AFAP1: variants seen among roughly 807,000 people sequenced by gnomAD.
AFAP1 encodes actin filament associated protein 1.
AFAP1 carries 75 observed loss-of-function variants against 93.9 expected under a neutral mutation model. That is an observed-to-expected ratio of 0.80 (90% CI 0.66 to 0.97). The LOEUF is 0.97. AFAP1 is among the 50% of genes least tolerant of loss of function. AFAP1 has a pLI of 0.00. For synonymous variants in AFAP1, 517 were observed against 430.7 expected (o/e 1.20, Z -2.48); for missense variants, 1,201 against 1,050.8 (o/e 1.14, Z -1.98).
chr4:7,922,080 G>A (rs895752535), intron 1 of AFAP1, among the ~76,000 whole-genome samples: 3 of 152,120 alleles, frequency 2.0e-5, no homozygotes, highest in South Asian at 2.1e-4. Context: ...CCAAGATCAC[G>A]CCAGCCTGGC....
chr4:7,789,411 A>T (rs1205166340), intron 11 of AFAP1, among the ~76,000 whole-genome samples: 1 of 141,668 alleles, frequency 7.1e-6, no homozygotes, highest in African/African-American at 2.6e-5. Context: ...CCGGCTTTCC[A>T]TCCTCTTCAT....
intron 4 of AFAP1, 126 bp downstream of exon 4, chr4:7,855,340 C>T: frequency 2.8e-6 from 2 of 711,444 alleles, no homozygotes; most frequent in Non-Finnish European, 2.3e-6. Flanking sequence ...TCTTTGGGTT[C>T]AAAAAGTACT....
intron 1 of AFAP1, among the ~76,000 whole-genome samples, chr4:7,886,371 T>C (rs998916285): frequency 6.6e-6 from 1 of 152,238 alleles, no homozygotes; most frequent in African/African-American, 2.4e-5. Context: ...AATCTATTTA[T>C]AGCTCTCCAG....
intron 11 of AFAP1, among the ~76,000 whole-genome samples, chr4:7,791,928 G>C (rs1335002143): frequency 6.6e-6 from 1 of 151,848 alleles, no homozygotes; most frequent in Non-Finnish European, 1.5e-5. Flanking sequence ...TGTAAACCCA[G>C]TTAATGTCCA....
At chr4:7,938,733 G>C (rs997606009) in intron 1 of AFAP1, among the ~76,000 whole-genome samples, 1 of 151,672 alleles carries the variant, frequency 6.6e-6, no homozygotes, top group African/African-American at 2.4e-5. Context: ...TGGCTTTCCA[G>C]ATTTTTTTTT....
intron 3 of AFAP1, among the ~76,000 whole-genome samples, chr4:7,860,938 G>C (rs763346889): frequency 6.6e-6 from 1 of 152,104 alleles, no homozygotes; most frequent in Non-Finnish European, 1.5e-5. Flanking sequence ...CGCTCGCCTC[G>C]CCTCGTGGCT....
intron 6 of AFAP1, among the ~76,000 whole-genome samples, chr4:7,819,466 T>C (rs1048856149): frequency 6.6e-6 from 1 of 151,908 alleles, no homozygotes; most frequent in Non-Finnish European, 1.5e-5. Context: ...ACAATAAGGG[T>C]CACCAAAAGA....
chr4:7,772,072 A>T (rs1176631877), intron 16 of AFAP1: 1 of 152,178 alleles, frequency 6.6e-6, no homozygotes, highest in African/African-American at 2.4e-5. Context: ...AGGGGTTTGG[A>T]AAGAAGGACC....
chr4:7,765,937 C>T (rs947587936), intron 17 of AFAP1, among the ~76,000 whole-genome samples: 2 of 152,214 alleles, frequency 1.3e-5, no homozygotes, highest in African/African-American at 4.8e-5. Context: ...TTCTCTGCGC[C>T]CGCCCAGTGA....
At chr4:7,898,726 G>A (rs796718739) in intron 1 of AFAP1, among the ~76,000 whole-genome samples, 60 of 149,752 alleles carry the variant, frequency 4.0e-4, no homozygotes, top group African/African-American at 1.4e-3. Flanking sequence ...ACTTAAGGAC[G>A]CTCTCAACTA....
chr4:7,758,922 AAC>A lies in AFAP1; in HGVS notation c.*4841_*4842del, dbSNP rs1713383677. ...ACTTTATGAATTAAATACATTGAGA[AAC>A]AGTGAAAATATATTTACAGTCATTT... On this transcript the variant is annotated 3_prime_UTR_variant, in exon 18 of 18. Coordinates refer to ENST00000420658, the MANE Select transcript of AFAP1 (RefSeq NM_001134647.2). 6.6e-6 allele frequency: 1 copy of A among 152,272 alleles called. No homozygotes were observed. The highest frequency in any genetic ancestry group is 1.5e-5 in the Non-Finnish European group (1 of 68,040). 9.4% of individuals were successfully genotyped at this position (152,272 alleles called of 1,614,324 possible). A position where few individuals can be genotyped will look rare whatever the true frequency, so the allele number is the denominator to read the frequency against.
intron 13 of AFAP1, among the ~76,000 whole-genome samples, chr4:7,780,872 T>C (rs1467722649): frequency 1.3e-5 from 2 of 152,072 alleles, no homozygotes; most frequent in African/African-American, 2.4e-5. Flanking sequence ...GTTTAAAAAG[T>C]CCTTATTATC....
At chr4:7,904,908 T>G in intron 1 of AFAP1, among the ~76,000 whole-genome samples, 1 of 152,206 alleles carries the variant, frequency 6.6e-6, no homozygotes, top group South Asian at 2.1e-4. Context: ...GGGGTTTTGC[T>G]ATGTTGCCCA....
chr4:7,843,451 T>C, intron 4 of AFAP1, 101 bp from the exon 5 acceptor site: 1 of 1,109,880 alleles, frequency 9.0e-7, no homozygotes, highest in South Asian at 1.7e-5. Context: ...ACCAAGTAAC[T>C]GAATGAGAAA....
At position 7,858,317 on chromosome 4, in the gene AFAP1, C is replaced by T. The variant is rs76486058; in HGVS notation, c.226-2743G>A. Among the ~76,000 whole-genome samples, 886 of 152,304 alleles carry T rather than the reference C, an allele frequency of 5.8e-3. 7 individuals carry two copies. Among genetic ancestry groups the T allele is most frequent in the African/African-American group, 0.019 (778 of 41,562 alleles). ...CTGCTTGACTTTTCTGCATAGTTGT[C>T]ATTTTAAAAATCATTTTAAAAAATA... On this transcript the variant is annotated intron_variant, in intron 3 of 17. Transcript: ENST00000420658.
At chr4:7,878,188 A>G (rs1018419266) in intron 1 of AFAP1, among the ~76,000 whole-genome samples, 14 of 152,192 alleles carry the variant, frequency 9.2e-5, no homozygotes, top group African/African-American at 3.4e-4. Flanking sequence ...AGATTTTCCT[A>G]TAAATAAAGG....
intron 1 of AFAP1, among the ~76,000 whole-genome samples, chr4:7,890,618 GACAA>G (rs1046965309): frequency 3.9e-5 from 6 of 152,066 alleles, no homozygotes; most frequent in African/African-American, 1.4e-4. Context: ...AACACATGAA[GACAA>G]ACAACCTAAT....
intron 11 of AFAP1, among the ~76,000 whole-genome samples, chr4:7,790,141 A>G (rs912906635): frequency 3.3e-5 from 5 of 152,178 alleles, no homozygotes; most frequent in African/African-American, 9.7e-5. Flanking sequence ...CAAAACATTT[A>G]ATCTTAGAAT....
At chr4:7,846,539 C>T (rs1713722400) in intron 4 of AFAP1, among the ~76,000 whole-genome samples, 1 of 152,180 alleles carries the variant, frequency 6.6e-6, no homozygotes, top group East Asian at 1.9e-4. Context: ...GCCCTCAGGG[C>T]TCGGCCCACT....
Sources: gnomAD v4.1 joint callset for allele counts (sites outside exome capture counted in the v4.1 genomes callset) on GRCh38, gnomAD v4.1.1 for gene constraint, MANE v1.5 for transcripts, NCBI Gene and HGNC (gene_info 2026-07-23, HGNC 2026-07-21) for gene names.